TCF7L2: variants seen among roughly 807,000 people sequenced by gnomAD.
The protein encoded by TCF7L2 is transcription factor 7 like 2, also known as transcription factor 7-like 2.
Under a neutral mutation model 77.9 loss-of-function variants are expected in TCF7L2, and 23 were observed. The ratio of observed to expected loss-of-function variants is 0.30; its 90% CI spans 0.21 to 0.42. The LOEUF is 0.42. Ranked by LOEUF, TCF7L2 falls within the 10% of genes least tolerant of loss-of-function variation. The pLI, the probability that TCF7L2 is intolerant of heterozygous loss-of-function variation, is 1.00. For synonymous variants in TCF7L2, 413 were observed against 340.2 expected (o/e 1.21, Z -2.36); for missense variants, 654 against 793.1 (o/e 0.82, Z 2.11).
Position 113,151,149 on chromosome 10 carries a change from T to G in TCF7L2, c.1001+26T>G. 6.2e-7 allele frequency: 1 copy of G among 1,613,844 alleles called. No homozygotes were observed. The highest frequency in any genetic ancestry group is 1.3e-5 in the African/African-American group (1 of 74,822). On this transcript the variant is annotated intron_variant, in intron 9 of 13. Coordinates refer to ENST00000627217, the MANE Select transcript of TCF7L2 (RefSeq NM_001146274.2). This position sits in a 1 kb window ranked among gnomAD's most constrained non-coding sequence, Gnocchi z 5.2. ...GTAAGTGTTGCTGTTTTTCTCACCT[T>G]CTTCGTAGCCGCAGTGTTCTGCAAG... is the stretch of plus-strand genomic sequence containing the variant.
chr10:113,127,186 A>C (rs902192625), intron 5 of TCF7L2: 1 of 152,218 alleles, frequency 6.6e-6, no homozygotes, highest in East Asian at 1.9e-4. Context: ...GCTTGTGACT[A>C]TAAAAACATG....
In TCF7L2 at chr10:113,151,616, A is replaced by G; in HGVS notation, c.1002-109A>G. On this transcript the variant is annotated intron_variant, in intron 9 of 13. Transcript: ENST00000627217. This position sits in a 1 kb window ranked among gnomAD's most constrained non-coding sequence, Gnocchi z 5.2. Reference sequence around the variant, plus strand: ...GAACTAAAAGCATGCTTTTTAATCCAAAACTGCTAGGCTTGGGGGTTATGA... The same window carrying G: ...GAACTAAAAGCATGCTTTTTAATCCGAAACTGCTAGGCTTGGGGGTTATGA... 5 of 1,385,326 alleles carry G rather than the reference A, an allele frequency of 3.6e-6. No homozygotes were observed. Among genetic ancestry groups the G allele is most frequent in the South Asian group, 3.4e-5 (2 of 57,992 alleles). 85.8% of individuals were successfully genotyped at this position (1,385,326 alleles called of 1,614,324 possible).
intron 4 of TCF7L2, among the ~76,000 whole-genome samples, chr10:112,986,263 G>T (rs1165091770): frequency 6.6e-6 from 1 of 151,922 alleles, no homozygotes; most frequent in Non-Finnish European, 1.5e-5. Flanking sequence ...ATGTTTCTCG[G>T]GTTCTCTCTC....
rs148233773 is a variant in TCF7L2, at chr10:113,026,075, C to T, written c.451-13950C>T. On this transcript the variant is annotated intron_variant, in intron 4 of 13. Transcript: ENST00000627217. The stretch of plus-strand genomic sequence containing the variant: ...TGTATTTTTATTAGAGATGGTGTTT[C>T]GCCACGTTGGCCAGGCTGGTCTTGA... Among the ~76,000 whole-genome samples, 1,387 of 151,658 alleles carry T rather than the reference C, an allele frequency of 9.1e-3. 16 individuals are homozygous for T. Among genetic ancestry groups the T allele is most frequent in the African/African-American group, 0.032 (1,315 of 41,330 alleles).
chr10:112,973,480 G>A (rs922596543), intron 4 of TCF7L2, among the ~76,000 whole-genome samples: 12 of 152,206 alleles, frequency 7.9e-5, no homozygotes, highest in Non-Finnish European at 1.5e-4. Flanking sequence ...GAGGCATCTG[G>A]TCTAGGGGAT....
At chr10:113,164,470 T>C (rs2073733330) in intron 13 of TCF7L2, among the ~76,000 whole-genome samples, 1 of 152,132 alleles carries the variant, frequency 6.6e-6, no homozygotes, top group Non-Finnish European at 1.5e-5. Context: ...CGGCTTGTGC[T>C]GCACCCTCCA....
chr10:113,161,709 G>T, intron 13 of TCF7L2: 2 of 1,239,948 alleles, frequency 1.6e-6, no homozygotes, highest in Non-Finnish European at 2.3e-6. Context: ...TTAGACGTTA[G>T]ATCAGATGTG....
rs770467872 is a variant in TCF7L2, at chr10:113,151,881, G to A, written c.1158G>A (p.Arg386=). 6.9e-6 allele frequency: 11 copies of A among 1,599,526 alleles called. No individual in the cohort carries two copies. The South Asian group carries it at 1.3e-4, about 18-fold the overall frequency. Residue 386 remains arginine (R), a synonymous_variant, in exon 10 of 14, where the codon CGG becomes CGA. Transcript: ENST00000627217. The surrounding 1 kb of genome is among the most constrained non-coding windows in gnomAD (Gnocchi z 5.2). ...CGGCCATCAACCAGATCCTTGGGCG[G>A]AGGGTAGGTGACGCCCTTCTCAGGG...
chr10:113,032,909 G>T (rs945921961), intron 4 of TCF7L2, among the ~76,000 whole-genome samples: 3 of 152,084 alleles, frequency 2.0e-5, no homozygotes, highest in Non-Finnish European at 4.4e-5. Context: ...ATGAGAAAAA[G>T]GTTAACTGTA....
chr10:112,967,796 C>T (rs766337194), intron 4 of TCF7L2, among the ~76,000 whole-genome samples: 4 of 151,912 alleles, frequency 2.6e-5, no homozygotes, highest in Non-Finnish European at 5.9e-5. Flanking sequence ...CCACCACGCC[C>T]GGCTATTTTT....
intron 5 of TCF7L2, among the ~76,000 whole-genome samples, chr10:113,117,400 T>C (rs868503419): frequency 0.047 from 2,382 of 50,344 alleles, 81 homozygotes; most frequent in African/African-American, 0.14. Flanking sequence ...TCTCTCTCTC[T>C]CTCTCTCTCT....
At chr10:113,055,799 G>C (rs750505505) in intron 5 of TCF7L2, among the ~76,000 whole-genome samples, 3 of 152,204 alleles carry the variant, frequency 2.0e-5, no homozygotes, top group Non-Finnish European at 4.4e-5. Context: ...AAATTCATCT[G>C]TATTTTCCTC....
At chr10:113,118,521 GT>G (rs1160032493) in intron 5 of TCF7L2, among the ~76,000 whole-genome samples, 69 of 100,492 alleles carry the variant, frequency 6.9e-4, no homozygotes, top group Non-Finnish European at 1.2e-3. Context: ...CATCTGGGGG[GT>G]GTGTGTGTGT....
intron 5 of TCF7L2, among the ~76,000 whole-genome samples, chr10:113,133,772 T>C (rs1461371997): frequency 1.3e-5 from 2 of 152,206 alleles, no homozygotes; most frequent in Non-Finnish European, 2.9e-5. Context: ...GCTGTCTAAA[T>C]GGATTTGATT....
chr10:113,024,849 A>G (rs954170841), intron 4 of TCF7L2, among the ~76,000 whole-genome samples: 16 of 152,208 alleles, frequency 1.1e-4, no homozygotes, highest in African/African-American at 3.6e-4. Flanking sequence ...CGAACTCCTG[A>G]CCTCAAGTGA....
chr10:113,134,944 A>C (rs1193161518), intron 5 of TCF7L2, among the ~76,000 whole-genome samples: 1 of 152,236 alleles, frequency 6.6e-6, no homozygotes, highest in Non-Finnish European at 1.5e-5. Context: ...AGAGGCAGCA[A>C]TAGGGGCGTA....
At chr10:112,957,190 CTTTTTTT>C (rs35054285) in intron 3 of TCF7L2, among the ~76,000 whole-genome samples, 2 of 60,650 alleles carry the variant, frequency 3.3e-5, no homozygotes, top group Non-Finnish European at 6.0e-5. Flanking sequence ...ACACCCCCAC[CTTTTTTT>C]TTTTTTTTTT....
At chr10:113,043,302 A>T (rs958807707) in intron 5 of TCF7L2, among the ~76,000 whole-genome samples, 8 of 152,324 alleles carry the variant, frequency 5.3e-5, no homozygotes, top group African/African-American at 1.7e-4. Context: ...GATTATTTTC[A>T]TGTGGTATGT....
At chr10:112,971,706 G>A (rs1420736349) in intron 4 of TCF7L2, among the ~76,000 whole-genome samples, 2 of 151,480 alleles carry the variant, frequency 1.3e-5, no homozygotes, top group South Asian at 2.1e-4. Context: ...TCCGCTTCCC[G>A]GGTTCAAGCA....
Sources: allele counts gnomAD v4.1 joint callset (sites outside exome capture counted in the v4.1 genomes callset), GRCh38; gene constraint gnomAD v4.1.1; non-coding constraint Gnocchi (gnomAD v3.1); transcripts MANE v1.5; gene names NCBI Gene and HGNC (gene_info 2026-07-23, HGNC 2026-07-21).